PKD1: variants seen among roughly 807,000 people sequenced by gnomAD.
The protein encoded by PKD1 is polycystin-1.
Under a neutral mutation model 361.7 loss-of-function variants are expected in PKD1, and 81 were observed. The ratio of observed to expected loss-of-function variants is 0.22; its 90% CI spans 0.19 to 0.27. PKD1 has a LOEUF of 0.27. PKD1 is among the 10% of genes least tolerant of loss of function. The pLI, the probability that PKD1 is intolerant of heterozygous loss-of-function variation, is 1.00. For missense variants in PKD1, 6,399 were observed against 6,118.3 expected (o/e 1.05, Z -1.53); for synonymous variants, 3,615 against 2,818.3 (o/e 1.28, Z -8.95).
intron 34 of PKD1, among the ~76,000 whole-genome samples, chr16:2,094,493 G>A (rs1233436048): frequency 6.6e-6 from 1 of 152,162 alleles, no homozygotes; most frequent in Non-Finnish European, 1.5e-5. Flanking sequence ...TGCCCTTACA[G>A]CAGTGCACAG....
intron 40 of PKD1, 47 bp from the exon 41 acceptor site, chr16:2,091,953 ACCCCG>A: frequency 1.9e-6 from 3 of 1,611,686 alleles, no homozygotes; most frequent in Non-Finnish European, 2.5e-6. Context: ...CCCTTCCGGC[ACCCCG>A]GAGCCAGGCT....
Position 2,097,360 on chromosome 16 carries a change from A to C in PKD1, c.10364T>G (p.Leu3455Arg), listed in dbSNP as rs1596501222. Residue 3455 changes from leucine (L) to arginine (R), a missense_variant, in exon 33 of 46, where the codon CTG becomes CGG. Coordinates refer to ENST00000262304, the MANE Select transcript of PKD1 (RefSeq NM_001009944.3). Reference sequence around the variant, plus strand: ...TTTGGCAGGCGAGTAGGGGCTGGCCAGGGAGAAGCCGTCCTCCTCTGGGCC... The same window carrying C: ...TTTGGCAGGCGAGTAGGGGCTGGCCCGGGAGAAGCCGTCCTCCTCTGGGCC... ...GLGPEEDGFS[L>R]ASPYSPAKSF... 1 of 1,612,234 alleles carries C rather than the reference A, an allele frequency of 6.2e-7. No individual in the cohort carries two copies.
rs777756102 is a variant in PKD1 at position 2,091,180 on chromosome 16, G to T, written c.11713-6C>A. The T allele has an allele frequency of 7.1e-7, 1 of 1,413,392 alleles. No individual in the cohort carries two copies. The highest frequency in any genetic ancestry group is 9.2e-7 in the Non-Finnish European group (1 of 1,092,818). 87.6% of individuals were successfully genotyped at this position (1,413,392 alleles called of 1,614,324 possible). A position where few individuals can be genotyped will look rare whatever the true frequency, so the allele number is the denominator to read the frequency against. ...GCGAACAGCAGCAGGCACACCTGTG[G>T]GGGGCGCGGTCAGGAGGGCGGGAGG... On this transcript the variant is annotated splice_polypyrimidine_tract_variant and splice_region_variant and intron_variant, in intron 42 of 45. Transcript: ENST00000262304.
At chr16:2,094,364 G>A (rs1193375934) in intron 34 of PKD1, among the ~76,000 whole-genome samples, 154 bp from the exon 35 acceptor site, 1 of 152,224 alleles carries the variant, frequency 6.6e-6, no homozygotes, top group Non-Finnish European at 1.5e-5. Flanking sequence ...ACGAGAGTGG[G>A]AGTGGTGCTG....
Position 2,090,712 on chromosome 16 carries a change from C to G in PKD1, c.12100G>C (p.Val4034Leu). 1.9e-6 allele frequency: 3 copies of G among 1,612,584 alleles called. No individual in the cohort carries two copies. The highest frequency in any genetic ancestry group is 1.1e-5 in the South Asian group (1 of 91,090). The change falls in exon 44 of 46, where the codon GTG (valine) becomes CTG (leucine). Residue 4034 changes from valine to leucine, a missense_variant. Transcript: ENST00000262304. ...TGGGCGTAGGCTACCCCGAGCACCA[C>G]CAGGCCCAAGGTGACCCCCAGGAGC... is the stretch of plus-strand genomic sequence containing the variant. ...PELLGVTLGLVVLGVAYAQLA... is the reference protein window; with the variant it reads ...PELLGVTLGLLVLGVAYAQLA...
intron 42 of PKD1, 117 bp downstream of exon 42, chr16:2,091,306 G>A (rs1336203930): frequency 4.7e-6 from 2 of 428,912 alleles, no homozygotes; most frequent in Non-Finnish European, 6.4e-6. Context: ...GCGAGGGGGC[G>A]GGACGCTGCG....
At position 2,088,735 on chromosome 16, in the gene PKD1, T is replaced by C. The variant is rs943576288; in HGVS notation, c.*992A>G. 7.4e-6 allele frequency: 10 copies of C among 1,342,340 alleles called. No homozygotes were observed. The African/African-American group carries it at 1.2e-4, about 16-fold the overall frequency. The allele number at this position is 1,342,340 out of a possible 1,614,324, so 83.2% of individuals were successfully genotyped here. On this transcript the variant is annotated 3_prime_UTR_variant, in exon 46 of 46. Transcript: ENST00000262304. Reference sequence around the variant, plus strand: ...GCAGTCAGACAGCTCTTTTATTGACTTTGTCTGCTTGGTGCGGGGGTTGGG... The same window carrying C: ...GCAGTCAGACAGCTCTTTTATTGACCTTGTCTGCTTGGTGCGGGGGTTGGG...
rs753792665 is a variant in PKD1, at chr16:2,093,551, A to G, written c.11009T>C (p.Met3670Thr). The change falls in exon 37 of 46, where the codon ATG becomes ACG. Residue 3670 changes from methionine (M) to threonine (T), a missense_variant. Physicochemically the swap from Met to Thr is moderately conservative, Grantham distance 81 (BLOSUM62 -1). Coordinates refer to ENST00000262304, the MANE Select transcript of PKD1 (RefSeq NM_001009944.3). Reference sequence around the variant, plus strand: ...GGCCGCACCCAGGCTCACCCGCAGCATGCCATGTAGCCTCTTGACCTTGCG... The same window carrying G: ...GGCCGCACCCAGGCTCACCCGCAGCGTGCCATGTAGCCTCTTGACCTTGCG... ...EARKVKRLHG[M>T]LRSLLVYMLF... 6.2e-7 allele frequency: 1 copy of G among 1,601,622 alleles called. No homozygotes were observed. Among genetic ancestry groups the G allele is most frequent in the Middle Eastern group, 1.7e-4 (1 of 5,978 alleles).
At position 2,088,732 on chromosome 16, in the gene PKD1, G is replaced by A. The variant is rs2091246429; in HGVS notation, c.*995C>T. The A allele has an allele frequency of 1.1e-5, 15 of 1,353,734 alleles. No homozygotes were observed. Among genetic ancestry groups the A allele is most frequent in the Admixed American group, 4.3e-5 (2 of 46,006 alleles). 83.9% of individuals were successfully genotyped at this position (1,353,734 alleles called of 1,614,324 possible). On this transcript the variant is annotated 3_prime_UTR_variant, in exon 46 of 46. Transcript: ENST00000262304. ...ATTGCAGTCAGACAGCTCTTTTATT[G>A]ACTTTGTCTGCTTGGTGCGGGGGTT...
chr16:2,096,908 T>C (rs906219667), intron 34 of PKD1: 34 of 581,864 alleles, frequency 5.8e-5, no homozygotes, highest in African/African-American at 5.2e-4. Flanking sequence ...CACAGGAGCC[T>C]TTCTGCTCCT....
chr16:2,123,337 G>A (rs1193931190), intron 1 of PKD1: 3 of 351,652 alleles, frequency 8.5e-6, no homozygotes, highest in East Asian at 1.6e-4. Context: ...CAGCCCCCAG[G>A]GTGTGGAAGC....
chr16:2,113,704 G>A (rs1352479846), intron 11 of PKD1: 1 of 360,034 alleles, frequency 2.8e-6, no homozygotes, highest in South Asian at 2.8e-5. Context: ...CGCCATTTCT[G>A]ATGGCCCCTC....
At chr16:2,105,188 G>C in intron 21 of PKD1, 134 bp downstream of exon 21, 1 of 867,786 alleles carries the variant, frequency 1.2e-6, no homozygotes, top group Non-Finnish European at 1.8e-6. Flanking sequence ...GTCAGAGACC[G>C]AGGAACGCCA....
rs773587781 is a variant in PKD1, at chr16:2,089,967, G to A, written c.12672C>T (p.Thr4224=). The change falls in exon 46 of 46, where the codon ACC becomes ACT. Residue 4224 remains threonine, a synonymous_variant. Transcript: ENST00000262304. ...RLQAVFEALL[T]QFDRLNQATE... ...TGGCCTGGTTGAGTCGGTCAAACTGGGTGAGCAGGGCCTCGAACACGGCTT... is the reference window on the plus strand; with the variant it reads ...TGGCCTGGTTGAGTCGGTCAAACTGAGTGAGCAGGGCCTCGAACACGGCTT... The A allele has an allele frequency of 6.2e-7, 1 of 1,612,146 alleles. No individual in the cohort carries two copies. Among genetic ancestry groups the A allele is most frequent in the Admixed American group, 1.7e-5 (1 of 59,936 alleles).
chr16:2,114,945 G>A lies in PKD1; in HGVS notation c.2098-20C>T, dbSNP rs1319855531. Reference sequence around the variant, plus strand: ...GGTGACCTGTGGAGAGGGAGGCAGGGCTGCATCACGTCCTCACGGTCATGG... The same window carrying A: ...GGTGACCTGTGGAGAGGGAGGCAGGACTGCATCACGTCCTCACGGTCATGG... On this transcript the variant is annotated intron_variant, in intron 10 of 45. Coordinates refer to ENST00000262304, the MANE Select transcript of PKD1 (RefSeq NM_001009944.3). 10 of 1,526,404 alleles carry A rather than the reference G, an allele frequency of 6.6e-6. No homozygotes were observed. Among genetic ancestry groups the A allele is most frequent in the East Asian group, 2.4e-5 (1 of 41,114 alleles). 94.6% of individuals were successfully genotyped at this position (1,526,404 alleles called of 1,614,324 possible).
In PKD1 at chr16:2,103,473, G is replaced by A. The variant is rs775365843; in HGVS notation, c.8584C>T (p.Pro2862Ser). Residue 2862 changes from proline to serine, a missense_variant, in exon 23 of 46, where the codon CCC becomes TCC. Coordinates refer to ENST00000262304, the MANE Select transcript of PKD1 (RefSeq NM_001009944.3). ...CGCTCTGAGGCCAGCCGCTCGATGG[G>A]GATCTGGGCGCCGGCCTGTGTCTGG... Reference protein sequence around the residue: ...AFQTQAGAQIPIERLASERAI... With the variant: ...AFQTQAGAQISIERLASERAI... 11 of 1,601,092 alleles carry A rather than the reference G, an allele frequency of 6.9e-6. No homozygotes were observed. The highest frequency in any genetic ancestry group is 1.7e-6 in the Non-Finnish European group (2 of 1,179,670).
chr16:2,118,521 C>A lies in PKD1; in HGVS notation c.530-59G>T. 1 of 1,412,260 alleles carries A rather than the reference C, an allele frequency of 7.1e-7. No individual in the cohort carries two copies. Among genetic ancestry groups the A allele is most frequent in the Non-Finnish European group, 9.7e-7 (1 of 1,035,174 alleles). The allele number at this position is 1,412,260 out of a possible 1,614,324, so 87.5% of individuals were successfully genotyped here. The stretch of plus-strand genomic sequence containing the variant: ...CTCCTCCTGGCTCCACCCCACGCCC[C>A]CACATCCGCCCGCCGCACTCACAGG... On this transcript the variant is annotated intron_variant, in intron 4 of 45. Transcript: ENST00000262304. This position sits in a 1 kb window ranked among gnomAD's most constrained non-coding sequence, Gnocchi z 6.0.
chr16:2,105,495 A>G (rs746920315), intron 20 of PKD1, 21 bp from the exon 21 acceptor site: 159 of 1,595,266 alleles, frequency 1.0e-4, no homozygotes, highest in Non-Finnish European at 1.3e-4. Context: ...CAGGGGGCAC[A>G]GCAAGCTGTC....
At position 2,091,554 on chromosome 16, in the gene PKD1, C is replaced by T. The variant is rs2091578963; in HGVS notation, c.11581G>A (p.Val3861Met). 1 of 1,531,284 alleles carries T rather than the reference C, an allele frequency of 6.5e-7. No individual in the cohort carries two copies. The highest frequency in any genetic ancestry group is 8.7e-7 in the Non-Finnish European group (1 of 1,151,344). 94.9% of individuals were successfully genotyped at this position (1,531,284 alleles called of 1,614,324 possible). The stretch of plus-strand genomic sequence containing the variant: ...AGCGTGACGGCGGCGTGCAGCCCCA[C>T]GGCCGGGCTGTAGCGCGTGAGCTCC... ...FLELTRYSPA[V>M]GLHAAVTLRL... is the part of the protein sequence containing the mutation. The change falls in exon 42 of 46, where the codon GTG (valine) becomes ATG (methionine). Residue 3861 changes from valine (V) to methionine (M), a missense_variant. Val to Met is a conservative substitution (Grantham distance 21). Transcript: ENST00000262304.
Sources: allele counts gnomAD v4.1 joint callset (sites outside exome capture counted in the v4.1 genomes callset), GRCh38; gene constraint gnomAD v4.1.1; non-coding constraint Gnocchi (gnomAD v3.1); transcripts MANE v1.5; gene names NCBI Gene and HGNC (gene_info 2026-07-23, HGNC 2026-07-21).